Variants in RBM26 observed in about 807,000 individuals in gnomAD.
The protein encoded by RBM26 is RNA-binding protein 26.
RBM26 carries 30 observed loss-of-function variants against 123.6 expected under a neutral mutation model. The ratio of observed to expected loss-of-function variants is 0.24; its 90% CI spans 0.18 to 0.33. The LOEUF (loss-of-function observed/expected upper bound fraction) is 0.33. Among genes scored for constraint, RBM26 ranks in the 10% least tolerant of loss-of-function variants. The pLI is 1.00. For synonymous variants in RBM26, 400 were observed against 404.4 expected (o/e 0.99, Z 0.13); for missense variants, 947 against 1,203.6 (o/e 0.79, Z 3.15).
chr13:79,365,761 C>T, intron 8 of RBM26, 43 bp from the exon 9 acceptor site: 1 of 1,569,262 alleles, frequency 6.4e-7, no homozygotes. Context: ...TTATAAAACT[C>T]CACTTGGTAA....
chr13:79,386,434 G>A (rs2077490260), intron 1 of RBM26, among the ~76,000 whole-genome samples: 1 of 148,550 alleles, frequency 6.7e-6, no homozygotes, highest in Non-Finnish European at 1.5e-5. Flanking sequence ...AAAAAAAGAA[G>A]TGCCCATTAA....
exon 5 of RBM26, chr13:79,312,474 T>C (rs1593798704): frequency 6.6e-6 from 1 of 152,032 alleles, no homozygotes; most frequent in African/African-American, 2.4e-5. Flanking sequence ...ATACTTCTCT[T>C]TACAACTCAC....
intron 16 of RBM26, among the ~76,000 whole-genome samples, chr13:79,343,878 A>C (rs1342010054): frequency 1.3e-5 from 2 of 151,944 alleles, no homozygotes; most frequent in East Asian, 3.9e-4. Flanking sequence ...ATGTGGCTAT[A>C]GACAGTCACA....
Position 79,354,420 on chromosome 13 carries a change from C to G in RBM26, c.1986+19G>C. The G allele has an allele frequency of 6.5e-7, 1 of 1,528,730 alleles. No individual in the cohort carries two copies. The highest frequency in any genetic ancestry group is 8.8e-7 in the Non-Finnish European group (1 of 1,130,274). The allele number at this position is 1,528,730 out of a possible 1,614,324, so 94.7% of individuals were successfully genotyped here. ...ACTGAGAACCTATTACGGGCACAATCGTAAGACCTTTGCTTTACCTGAGGA... is the reference window on the plus strand; with the variant it reads ...ACTGAGAACCTATTACGGGCACAATGGTAAGACCTTTGCTTTACCTGAGGA... On this transcript the variant is annotated intron_variant, in intron 13 of 21. Transcript: ENST00000438737.
At chr13:79,334,284 T>C in intron 20 of RBM26, 60 bp downstream of exon 20, 3 of 969,060 alleles carry the variant, frequency 3.1e-6, no homozygotes, top group Non-Finnish European at 4.6e-6. Flanking sequence ...ATATTAAAAC[T>C]TAAAAGTAAT....
At chr13:79,402,543 C>A (rs2079140955) in intron 1 of RBM26, among the ~76,000 whole-genome samples, 1 of 151,514 alleles carries the variant, frequency 6.6e-6, no homozygotes, top group Non-Finnish European at 1.5e-5. Context: ...CATGACTCAA[C>A]AAAGTCCTGT....
Position 79,319,269 on chromosome 13 carries a change from T to C in RBM26, c.*1352A>G. ...GAAGAAAGTAATTTTTTAAATGTGA[T>C]TTTTTAATATTATCACTATAATCTC... On this transcript the variant is annotated 3_prime_UTR_variant, in exon 22 of 22. Transcript: ENST00000438737. 3 of 983,650 alleles carry C rather than the reference T, an allele frequency of 3.0e-6. No homozygotes were observed. Among genetic ancestry groups the C allele is most frequent in the Non-Finnish European group, 3.6e-6 (3 of 828,514 alleles). 60.9% of individuals were successfully genotyped at this position (983,650 alleles called of 1,614,324 possible).
downstream of RBM26, chr13:79,314,738 G>A (rs1407961551): frequency 4.8e-6 from 1 of 207,260 alleles, no homozygotes; most frequent in East Asian, 1.3e-4. Flanking sequence ...AAAAATAAAT[G>A]GCTATAAAGT....
chr13:79,357,874 A>T (rs1325240023), intron 11 of RBM26, among the ~76,000 whole-genome samples: 1 of 126,610 alleles, frequency 7.9e-6, no homozygotes, highest in African/African-American at 3.0e-5. Context: ...CCCAATTCAG[A>T]ATAACAATTT....
intron 1 of RBM26, among the ~76,000 whole-genome samples, chr13:79,394,312 T>A (rs977423804): frequency 6.6e-6 from 1 of 152,206 alleles, no homozygotes; most frequent in African/African-American, 2.4e-5. Context: ...CTTCAATGAT[T>A]CCACCTACTT....
intron 14 of RBM26, among the ~76,000 whole-genome samples, chr13:79,351,307 G>T (rs142505627): frequency 1.3e-5 from 2 of 152,160 alleles, no homozygotes; most frequent in East Asian, 3.9e-4. Flanking sequence ...TTAATTGACA[G>T]AACTGTACAT....
At chr13:79,363,449 C>T (rs752099822) in intron 9 of RBM26, among the ~76,000 whole-genome samples, 3 of 152,096 alleles carry the variant, frequency 2.0e-5, no homozygotes, top group Non-Finnish European at 2.9e-5. Flanking sequence ...AGGCAATCCT[C>T]AATTTGGATG....
intron 12 of RBM26, 132 bp from the exon 13 acceptor site, chr13:79,354,702 G>T: frequency 1.4e-6 from 1 of 698,740 alleles, no homozygotes; most frequent in East Asian, 3.0e-5. Flanking sequence ...AAACCTAACT[G>T]CCTTCTAATT....
intron 7 of RBM26, among the ~76,000 whole-genome samples, chr13:79,366,411 A>T (rs2075272748): frequency 6.6e-6 from 1 of 152,212 alleles, no homozygotes; most frequent in African/African-American, 2.4e-5. Context: ...GCTGGGTTTT[A>T]CCAGTGATAT....
chr13:79,348,790 C>T (rs2072738395), intron 14 of RBM26, among the ~76,000 whole-genome samples: 1 of 152,112 alleles, frequency 6.6e-6, no homozygotes, highest in African/African-American at 2.4e-5. Flanking sequence ...CCTGAGAATT[C>T]TGGTGAGAAG....
At chr13:79,350,149 T>C (rs932456558) in intron 14 of RBM26, among the ~76,000 whole-genome samples, 16 of 152,348 alleles carry the variant, frequency 1.1e-4, no homozygotes, top group African/African-American at 3.4e-4. Flanking sequence ...TTCTTTTAAT[T>C]ATACCACACA....
At chr13:79,344,018 C>T (rs2071872280) in intron 16 of RBM26, among the ~76,000 whole-genome samples, 1 of 152,092 alleles carries the variant, frequency 6.6e-6, no homozygotes, top group Middle Eastern at 3.4e-3. Flanking sequence ...TGTGCAGCAA[C>T]ACAACTGAAT....
chr13:79,337,693 T>C (rs2070674692), intron 18 of RBM26, among the ~76,000 whole-genome samples: 1 of 151,746 alleles, frequency 6.6e-6, no homozygotes, highest in Non-Finnish European at 1.5e-5. Context: ...CCAGTTATGA[T>C]TTTCTATTTG....
rs1594535045 is a variant in RBM26, at chr13:79,377,430, G to A, written c.276C>T (p.Ser92=). ...LPPPEQPSSG[S]LKVEFFPHQE... is the part of the protein sequence containing the mutation. The stretch of plus-strand genomic sequence containing the variant: ...GGTGTGGAAAAAATTCTACCTTCAG[G>A]CTTCCTGATGATGGCTGCTCTGGAG... Residue 92 remains serine, a synonymous_variant, in exon 3 of 22, where the codon AGC becomes AGT. Transcript: ENST00000438737. 1 of 1,613,438 alleles carries A rather than the reference G, an allele frequency of 6.2e-7. No homozygotes were observed. Among genetic ancestry groups the A allele is most frequent in the East Asian group, 2.2e-5 (1 of 44,850 alleles).
Sources: allele counts gnomAD v4.1 joint callset (sites outside exome capture counted in the v4.1 genomes callset), GRCh38; gene constraint gnomAD v4.1.1; transcripts MANE v1.5; gene names NCBI Gene and HGNC (gene_info 2026-07-23, HGNC 2026-07-21).